The following LARGE1 variants were observed in gnomAD, a reference collection of about 807,000 sequenced individuals.
The protein encoded by LARGE1 is LARGE xylosyl- and glucuronyltransferase 1.
LARGE1 carries 43 observed loss-of-function variants against 87.6 expected under a neutral mutation model. That is an observed-to-expected ratio of 0.49 (90% CI 0.38 to 0.63). The LOEUF (loss-of-function observed/expected upper bound fraction) is 0.63. LARGE1 is among the 30% of genes least tolerant of loss of function. LARGE1 has a pLI of 0.00. For missense variants in LARGE1, 802 were observed against 1,000.2 expected, an observed-to-expected ratio of 0.80 and a Z score of 2.67; for synonymous variants, 434 against 394.6, an observed-to-expected ratio of 1.10 and a Z score of -1.18.
At chr22:33,131,779 GAC>G in the LARGE1 span, among the ~76,000 whole-genome samples, 1 of 151,836 alleles carries the variant, frequency 6.6e-6, no homozygotes, top group African/African-American at 2.4e-5. Context: ...TTTGGGTGGA[GAC>G]ACAGCCAAAC....
intron 1 of LARGE1, among the ~76,000 whole-genome samples, chr22:33,832,862 A>T (rs1362779472): frequency 6.6e-6 from 1 of 152,242 alleles, no homozygotes. Flanking sequence ...TAAGCACTCA[A>T]TAAGTGCTAA....
intron 6 of LARGE1, among the ~76,000 whole-genome samples, chr22:33,519,961 A>G (rs2071491582): frequency 1.3e-5 from 2 of 150,898 alleles, no homozygotes; most frequent in East Asian, 1.9e-4. Context: ...CTGAGAGGCT[A>G]AGAGACTGTT....
intron 1 of LARGE1, among the ~76,000 whole-genome samples, chr22:33,830,386 T>G (rs1367585608): frequency 6.6e-6 from 1 of 152,032 alleles, no homozygotes; most frequent in Non-Finnish European, 1.5e-5. Flanking sequence ...TCCTTCCAGC[T>G]CACAGGTGAA....
intron 9 of LARGE1, among the ~76,000 whole-genome samples, chr22:33,378,588 TTAC>T (rs2147082070): frequency 6.6e-6 from 1 of 152,304 alleles, no homozygotes; most frequent in Admixed American, 6.5e-5. Flanking sequence ...AATTATACAG[TTAC>T]CTATTGAGAA....
At chr22:33,495,702 G>A (rs533444325) in intron 6 of LARGE1, among the ~76,000 whole-genome samples, 154 of 152,334 alleles carry the variant, frequency 1.0e-3, no homozygotes, top group Non-Finnish European at 2.0e-3. Context: ...CTGAGTCAGA[G>A]TGAGACTCTG....
Position 33,892,590 on chromosome 22 carries a change from T to C in LARGE1, c.-83+27405A>G, listed in dbSNP as rs139680707. ...ATCCACCACTCAGGTGCTTCATGCA[T>C]ACAAAATGATCATCTGGCTCTGAAT... On this transcript the variant is annotated intron_variant, in intron 1 of 14. Transcript: ENST00000397394. 1.7e-3 allele frequency among the ~76,000 whole-genome samples: 256 copies of C among 152,264 alleles called. 1 individual carries two copies. Among genetic ancestry groups the C allele is most frequent in the African/African-American group, 5.8e-3 (239 of 41,548 alleles).
At chr22:33,377,110 T>C (rs528561948) in intron 9 of LARGE1, among the ~76,000 whole-genome samples, 30 of 152,282 alleles carry the variant, frequency 2.0e-4, no homozygotes, top group South Asian at 1.7e-3. Context: ...ATATGAATGT[T>C]GCCAAAATAA....
At chr22:33,443,125 C>T (rs1002727167) in intron 6 of LARGE1, among the ~76,000 whole-genome samples, 4 of 152,272 alleles carry the variant, frequency 2.6e-5, no homozygotes, top group Non-Finnish European at 5.9e-5. Context: ...CAAAGAGATA[C>T]AATGACACCA....
intron 1 of LARGE1, among the ~76,000 whole-genome samples, chr22:33,849,919 A>G (rs1172017954): frequency 6.6e-6 from 1 of 152,104 alleles, no homozygotes; most frequent in Non-Finnish European, 1.5e-5. Context: ...TTCTTATTAC[A>G]ATACTAAGGT....
At chr22:33,886,945 G>C (rs2064869344) in intron 1 of LARGE1, among the ~76,000 whole-genome samples, 1 of 152,182 alleles carries the variant, frequency 6.6e-6, no homozygotes, top group South Asian at 2.1e-4. Context: ...AAGTCAACTG[G>C]GAAAAGTGCC....
chr22:33,724,510 T>G (rs1026965719), intron 2 of LARGE1, among the ~76,000 whole-genome samples: 1 of 152,110 alleles, frequency 6.6e-6, no homozygotes, highest in Non-Finnish European at 1.5e-5. Flanking sequence ...TATGCTCCAG[T>G]AGGCTCATTA....
intron 1 of LARGE1, among the ~76,000 whole-genome samples, chr22:33,762,754 T>G (rs2084779000): frequency 6.6e-6 from 1 of 152,166 alleles, no homozygotes; most frequent in Non-Finnish European, 1.5e-5. Context: ...ATCTTTCACC[T>G]GATTATTTGA....
At chr22:33,627,065 G>C (rs889129222) in intron 3 of LARGE1, among the ~76,000 whole-genome samples, 1 of 152,200 alleles carries the variant, frequency 6.6e-6, no homozygotes, top group African/African-American at 2.4e-5. Context: ...ACATTCCAAT[G>C]ATACCAAAAA....
intron 2 of LARGE1, among the ~76,000 whole-genome samples, chr22:33,737,202 C>T (rs1400449929): frequency 2.0e-5 from 3 of 152,164 alleles, no homozygotes; most frequent in African/African-American, 7.2e-5. Flanking sequence ...ATTCCACCCT[C>T]GAAACCTACC....
At chr22:33,211,815 T>A (rs1490115013) in intron 11 of LARGE1, among the ~76,000 whole-genome samples, 1 of 152,070 alleles carries the variant, frequency 6.6e-6, no homozygotes, top group Non-Finnish European at 1.5e-5. Context: ...GCACACATGA[T>A]AAGAAAGCCA....
intron 2 of LARGE1, among the ~76,000 whole-genome samples, chr22:33,718,742 T>C (rs1366072904): frequency 6.6e-6 from 1 of 152,240 alleles, no homozygotes; most frequent in Non-Finnish European, 1.5e-5. Flanking sequence ...CCTGTGTGGG[T>C]CTCAGCTAAA....
intron 10 of LARGE1, among the ~76,000 whole-genome samples, chr22:33,323,066 G>C (rs2146379840): frequency 6.6e-6 from 1 of 152,288 alleles, no homozygotes; most frequent in Admixed American, 6.5e-5. Context: ...TGGTTGCAGT[G>C]AGCCGAGATC....
At chr22:33,408,695 C>CT (rs572399860) in intron 7 of LARGE1, among the ~76,000 whole-genome samples, 7,695 of 135,914 alleles carry the variant, frequency 0.057, 227 homozygotes, top group African/African-American at 0.081. Flanking sequence ...ATAGACTTGT[C>CT]TTTTTTTTTT....
chr22:33,682,180 T>C (rs2081794767), intron 2 of LARGE1, among the ~76,000 whole-genome samples: 1 of 152,226 alleles, frequency 6.6e-6, no homozygotes, highest in Non-Finnish European at 1.5e-5. Flanking sequence ...TCTTAGAATT[T>C]ATTATATAAA....
Sources: gnomAD v4.1 joint callset for allele counts (sites outside exome capture counted in the v4.1 genomes callset) on GRCh38, gnomAD v4.1.1 for gene constraint, MANE v1.5 for transcripts, NCBI Gene and HGNC (gene_info 2026-07-23, HGNC 2026-07-21) for gene names.